C7orf78: variants seen among roughly 807,000 people sequenced by gnomAD.
C7orf78 encodes the protein putative uncharacterized protein C7orf78.
At chr7:12,513,807 T>C in the C7orf78 span, among the ~76,000 whole-genome samples, 1 of 151,578 alleles carries the variant, frequency 6.6e-6, no homozygotes, top group African/African-American at 2.4e-5. Flanking sequence ...GAGACCATCC[T>C]GGCTTACACG....
At chr7:12,494,660 A>T in the C7orf78 span, among the ~76,000 whole-genome samples, 3 of 152,156 alleles carry the variant, frequency 2.0e-5, no homozygotes, top group Non-Finnish European at 4.4e-5. Flanking sequence ...CTATTTCCCT[A>T]CAGCAATAAC....
chr7:12,504,211 A>C, the C7orf78 span, among the ~76,000 whole-genome samples: 1 of 152,156 alleles, frequency 6.6e-6, no homozygotes, highest in Non-Finnish European at 1.5e-5. Flanking sequence ...TCAATTATTC[A>C]TGTGCTCTCT....
the C7orf78 span, among the ~76,000 whole-genome samples, chr7:12,519,746 A>T: frequency 1.3e-5 from 2 of 152,188 alleles, no homozygotes; most frequent in African/African-American, 4.8e-5. Context: ...GTTGGACTAA[A>T]GTACTGGGGA....
At chr7:12,523,879 G>A in the C7orf78 span, among the ~76,000 whole-genome samples, 1 of 152,076 alleles carries the variant, frequency 6.6e-6, no homozygotes, top group Middle Eastern at 3.2e-3. Flanking sequence ...AATAATATAT[G>A]GGCAATAATT....
the C7orf78 span, among the ~76,000 whole-genome samples, chr7:12,494,309 C>T: frequency 1.3e-5 from 2 of 152,238 alleles, no homozygotes; most frequent in South Asian, 2.1e-4. Context: ...ATGATGGATG[C>T]TTGACCTGGT....
chr7:12,485,180 G>A, the C7orf78 span, among the ~76,000 whole-genome samples: 1 of 896 alleles, frequency 1.1e-3, no homozygotes, highest in Admixed American at 8.9e-3. Context: ...GTTGAGAATG[G>A]GGAATTTTTG....
the C7orf78 span, among the ~76,000 whole-genome samples, chr7:12,500,159 CAATT>C: frequency 6.8e-6 from 1 of 147,212 alleles, no homozygotes; most frequent in Non-Finnish European, 1.5e-5. Context: ...CCTAACATCA[CAATT>C]AAAAGAACTA....
the C7orf78 span, chr7:12,529,113 C>G: frequency 1.0e-5 from 4 of 397,748 alleles, no homozygotes; most frequent in East Asian, 1.4e-4. Context: ...TGCTTTAGTG[C>G]AGGAGTTTTT....
chr7:12,486,279 G>A, the C7orf78 span, among the ~76,000 whole-genome samples: 1 of 151,994 alleles, frequency 6.6e-6, no homozygotes, highest in African/African-American at 2.4e-5. Context: ...ATGAGTCCTA[G>A]AAGTTATATA....
At chr7:12,499,923 A>C in the C7orf78 span, among the ~76,000 whole-genome samples, 2 of 127,594 alleles carry the variant, frequency 1.6e-5, no homozygotes, top group African/African-American at 6.0e-5. Flanking sequence ...AGTATTAAGA[A>C]TCTCACTCAA....
the C7orf78 span, among the ~76,000 whole-genome samples, chr7:12,519,448 G>A: frequency 7.9e-5 from 12 of 152,150 alleles, 1 homozygote; most frequent in South Asian, 2.3e-3. Flanking sequence ...TGCCAGCAGG[G>A]TTGTGGTCAC....
At chr7:12,499,656 C>T in the C7orf78 span, among the ~76,000 whole-genome samples, 1 of 151,438 alleles carries the variant, frequency 6.6e-6, no homozygotes, top group Non-Finnish European at 1.5e-5. Context: ...CCACTGTCAA[C>T]ATTAGACAGA....
chr7:12,515,725 T>A, the C7orf78 span, among the ~76,000 whole-genome samples: 5 of 152,148 alleles, frequency 3.3e-5, no homozygotes, highest in African/African-American at 1.2e-4. Flanking sequence ...GAGGAACTTG[T>A]TGGGAACTGG....
At chr7:12,505,482 A>G in the C7orf78 span, among the ~76,000 whole-genome samples, 2 of 152,156 alleles carry the variant, frequency 1.3e-5, no homozygotes, top group Non-Finnish European at 2.9e-5. Flanking sequence ...ATCCTGATAC[A>G]GAGATTTGAA....
chr7:12,494,695 T>G, the C7orf78 span, among the ~76,000 whole-genome samples: 2 of 152,308 alleles, frequency 1.3e-5, no homozygotes, highest in East Asian at 3.9e-4. Flanking sequence ...GAAATACATA[T>G]TCTAGAATTT....
chr7:12,486,530 T>G, the C7orf78 span, among the ~76,000 whole-genome samples: 27 of 152,146 alleles, frequency 1.8e-4, no homozygotes, highest in African/African-American at 6.3e-4. Flanking sequence ...TGTATTAAAT[T>G]TATGTTTTTC....
At chr7:12,503,705 C>G in the C7orf78 span, among the ~76,000 whole-genome samples, 1 of 151,598 alleles carries the variant, frequency 6.6e-6, no homozygotes, top group African/African-American at 2.4e-5. Flanking sequence ...GTGTGCTGCA[C>G]CCATTATATT....
At chr7:12,501,088 A>G in the C7orf78 span, among the ~76,000 whole-genome samples, 1 of 148,682 alleles carries the variant, frequency 6.7e-6, no homozygotes, top group African/African-American at 2.5e-5. Flanking sequence ...TTTCAAAATA[A>G]TAAGAGCTAT....
chr7:12,515,078 T>C, the C7orf78 span, among the ~76,000 whole-genome samples: 14 of 152,218 alleles, frequency 9.2e-5, no homozygotes, highest in Non-Finnish European at 1.6e-4. Context: ...AACTACAATG[T>C]GCTGTCTCCA....
Sources: allele counts gnomAD v4.1 joint callset (sites outside exome capture counted in the v4.1 genomes callset), GRCh38; gene constraint gnomAD v4.1.1; transcripts MANE v1.5; gene names NCBI Gene and HGNC (gene_info 2026-07-23, HGNC 2026-07-21).